Variants in ASB5 observed in about 807,000 individuals in gnomAD.
ASB5 encodes ankyrin repeat and SOCS box protein 5.
ASB5 carries 45 observed loss-of-function variants against 42.1 expected under a neutral mutation model. The observed-to-expected ratio is 1.07, with a 90% CI of 0.84 to 1.37. The LOEUF (loss-of-function observed/expected upper bound fraction) is 1.37, where lower values mean the gene tolerates loss of function less well. ASB5 is among the 40% of genes most tolerant of loss of function. The probability of loss-of-function intolerance (pLI) is 0.00; values close to 1 mark genes in which losing one functional copy is unlikely to be tolerated. For missense variants in ASB5, 402 were observed against 399.8 expected (o/e 1.01, Z -0.05); for synonymous variants, 147 against 150.6 (o/e 0.98, Z 0.18).
chr4:176,247,117 T>C (rs1299738161), intron 1 of ASB5, among the ~76,000 whole-genome samples: 2 of 152,132 alleles, frequency 1.3e-5, no homozygotes, highest in Non-Finnish European at 2.9e-5. Flanking sequence ...ATTTGTTACC[T>C]ATGAATAAAT....
chr4:176,219,241 AATATATATGTATGATATATAAAT>A, intron 5 of ASB5, among the ~76,000 whole-genome samples: 1 of 114,280 alleles, frequency 8.8e-6, no homozygotes, highest in African/African-American at 3.6e-5. Context: ...ATGATATATA[AATATATATGTATGATATATAAAT>A]ATATATTTGT....
At chr4:176,240,471 G>A (rs903458893) in intron 1 of ASB5, among the ~76,000 whole-genome samples, 1 of 152,128 alleles carries the variant, frequency 6.6e-6, no homozygotes, top group East Asian at 1.9e-4. Flanking sequence ...AAGCTGGAAA[G>A]TTTCAAAGAA....
At chr4:176,218,642 TAAATATATATATTTGTATGATATATAA>T in intron 5 of ASB5, among the ~76,000 whole-genome samples, 1 of 92,952 alleles carries the variant, frequency 1.1e-5, no homozygotes, top group South Asian at 3.0e-4. Flanking sequence ...GTATGATATA[TAAATATATATATTTGTATGATATATAA>T]ATATATATAT....
intron 1 of ASB5, among the ~76,000 whole-genome samples, chr4:176,227,970 G>T (rs1036940415): frequency 6.6e-5 from 10 of 151,790 alleles, no homozygotes; most frequent in African/African-American, 2.2e-4. Flanking sequence ...TTTTATTCTC[G>T]GCAAAAGTAG....
At chr4:176,257,547 T>G (rs191178178) in intron 1 of ASB5, among the ~76,000 whole-genome samples, 2 of 152,284 alleles carry the variant, frequency 1.3e-5, no homozygotes, top group Middle Eastern at 3.4e-3. Flanking sequence ...TGTCTTACTT[T>G]CCTTTGTATC....
intron 1 of ASB5, among the ~76,000 whole-genome samples, chr4:176,227,223 T>C (rs1753404788): frequency 6.6e-6 from 1 of 152,212 alleles, no homozygotes; most frequent in South Asian, 2.1e-4. Flanking sequence ...CAAGGAGATA[T>C]GAGAAACTAA....
At chr4:176,226,934 A>G (rs539771910) in intron 1 of ASB5, among the ~76,000 whole-genome samples, 1 of 152,326 alleles carries the variant, frequency 6.6e-6, no homozygotes, top group African/African-American at 2.4e-5. Flanking sequence ...TGAATGACTC[A>G]ACAGTGTCCT....
At chr4:176,228,472 CA>C (rs373282778) in intron 1 of ASB5, among the ~76,000 whole-genome samples, 211 of 152,266 alleles carry the variant, frequency 1.4e-3, no homozygotes, top group African/African-American at 4.8e-3. Flanking sequence ...TTACAACTCC[CA>C]AAAGAAGACT....
At chr4:176,225,062 TAA>T (rs1753337823) in intron 2 of ASB5, among the ~76,000 whole-genome samples, 198 bp downstream of exon 2, 1 of 152,234 alleles carries the variant, frequency 6.6e-6, no homozygotes, top group Non-Finnish European at 1.5e-5. Flanking sequence ...TCTGAAATAC[TAA>T]GACATACAAT....
intron 1 of ASB5, among the ~76,000 whole-genome samples, chr4:176,230,760 T>C (rs1054071499): frequency 6.6e-6 from 1 of 152,216 alleles, no homozygotes; most frequent in Non-Finnish European, 1.5e-5. Flanking sequence ...ATCAGAGAGA[T>C]TTACGAGCCA....
chr4:176,274,921 T>C (rs2126983566), intron 2 of ASB5, among the ~76,000 whole-genome samples: 1 of 146,200 alleles, frequency 6.8e-6, no homozygotes, highest in Non-Finnish European at 1.5e-5. Flanking sequence ...TTTTTTTTTT[T>C]TTTTTTTTTT....
At chr4:176,248,587 T>C (rs1211634713) in intron 1 of ASB5, among the ~76,000 whole-genome samples, 1 of 152,130 alleles carries the variant, frequency 6.6e-6, no homozygotes, top group African/African-American at 2.4e-5. Context: ...TATAAAAACT[T>C]ATTTATACTA....
intron 1 of ASB5, among the ~76,000 whole-genome samples, chr4:176,230,294 A>G (rs1753500982): frequency 6.6e-6 from 1 of 152,222 alleles, no homozygotes; most frequent in Non-Finnish European, 1.5e-5. Context: ...AAACAACATC[A>G]TTTATTGACT....
chr4:176,218,546 G>T (rs1306830282), intron 5 of ASB5, among the ~76,000 whole-genome samples: 3 of 101,672 alleles, frequency 3.0e-5, no homozygotes, highest in Admixed American at 1.3e-4. Context: ...ATATATATTT[G>T]TATGATATAT....
intron 1 of ASB5, chr4:176,241,557 G>T (rs1190355828): frequency 6.6e-7 from 1 of 1,518,748 alleles, no homozygotes; most frequent in East Asian, 2.5e-5. Flanking sequence ...TCTTTACAAG[G>T]CCGTGCCCTC....
chr4:176,219,548 G>A lies in ASB5; in HGVS notation c.670+1607C>T, dbSNP rs1423461667. 4.7e-5 allele frequency among the ~76,000 whole-genome samples: 2 copies of A among 42,682 alleles called. 1 individual carries two copies. The highest frequency in any genetic ancestry group is 1.4e-4 in the African/African-American group (2 of 14,288). The allele number at this position is 42,682 out of a possible 152,430, so 28.0% of individuals were successfully genotyped here. A position where few individuals can be genotyped will look rare whatever the true frequency, so the allele number is the denominator to read the frequency against. On this transcript the variant is annotated intron_variant, in intron 5 of 6. Transcript: ENST00000296525. ...ATGATATATAAATATATATATGTATGATATATAAATATGTATATATTTGTA... is the reference window on the plus strand; with the variant it reads ...ATGATATATAAATATATATATGTATAATATATAAATATGTATATATTTGTA...
chr4:176,249,153 G>A (rs7694303), intron 1 of ASB5, among the ~76,000 whole-genome samples: 1,562 of 152,266 alleles, frequency 0.01, 33 homozygotes, highest in African/African-American at 0.036. Context: ...TTTTAGTAGA[G>A]ACAGGGTTTC....
At chr4:176,245,488 G>A (rs1454801897) in intron 1 of ASB5, among the ~76,000 whole-genome samples, 1 of 152,168 alleles carries the variant, frequency 6.6e-6, no homozygotes, top group Non-Finnish European at 1.5e-5. Context: ...AGACAGTGTG[G>A]CGATTCCTCA....
At position 176,222,331 on chromosome 4, in the gene ASB5, C is replaced by A. The variant is rs764359216; in HGVS notation, c.366G>T (p.Leu122=). The change falls in exon 3 of 7, where the codon CTG becomes CTT. Residue 122 remains leucine (L), a synonymous_variant. Transcript: ENST00000296525. ...TACTTACATTAGCTCCTGCTTCCAG[C>A]AGAGTTCTGGCACATGCCACGTGAT... ...LGDHVACART[L]LEAGANVNAI... 6.2e-7 allele frequency: 1 copy of A among 1,613,324 alleles called. No homozygotes were observed. The highest frequency in any genetic ancestry group is 1.7e-5 in the Admixed American group (1 of 60,016).
Sources: gnomAD v4.1 joint callset for allele counts (sites outside exome capture counted in the v4.1 genomes callset) on GRCh38, gnomAD v4.1.1 for gene constraint, MANE v1.5 for transcripts, NCBI Gene and HGNC (gene_info 2026-07-23, HGNC 2026-07-21) for gene names.